Variants in CASP10 observed in about 807,000 individuals in gnomAD.
CASP10 encodes caspase-10.
A neutral mutation model predicts 48.5 loss-of-function variants in CASP10; 41 were observed. The ratio of observed to expected loss-of-function variants is 0.85; its 90% CI spans 0.66 to 1.10. The LOEUF (loss-of-function observed/expected upper bound fraction) is 1.10, where lower values mean the gene tolerates loss of function less well. Ranked by LOEUF, CASP10 falls within the 50% of genes least tolerant of loss-of-function variation. The probability of loss-of-function intolerance (pLI) is 0.00; values close to 1 mark genes in which losing one functional copy is unlikely to be tolerated. For synonymous variants in CASP10, 232 were observed against 238.4 expected (o/e 0.97, Z 0.25); for missense variants, 614 against 614.5 (o/e 1.00, Z 0.01).
rs151162733 is a variant in CASP10, at chr2:201,220,572, C to T, written c.*2831C>T. The T allele has an allele frequency of 4.6e-3, 806 of 176,362 alleles. 6 individuals are homozygous for T. Among genetic ancestry groups the T allele is most frequent in the African/African-American group, 0.018 (739 of 41,994 alleles). 10.9% of individuals were successfully genotyped at this position (176,362 alleles called of 1,614,324 possible). ...AGAGACATAGAAGCAATCCAAGCCT[C>T]TGATAAACTCTCCCACCCTAAATCC... On this transcript the variant is annotated 3_prime_UTR_variant, in exon 10 of 10. Coordinates refer to ENST00000286186, the MANE Select transcript of CASP10 (RefSeq NM_032977.4).
Position 201,186,134 on chromosome 2 carries a change from G to A in CASP10, c.347+10G>A. 1 of 1,596,478 alleles carries A rather than the reference G, an allele frequency of 6.3e-7. No homozygotes were observed. The highest frequency in any genetic ancestry group is 1.7e-5 in the Admixed American group (1 of 59,954). ...GGGTTTCTCTGTTTAGGTGAGGACG[G>A]GTCTGTGGTGGAGATGGGAGGATCT... On this transcript the variant is annotated intron_variant, in intron 2 of 9. Transcript: ENST00000286186.
intron 5 of CASP10, among the ~76,000 whole-genome samples, chr2:201,198,312 C>T (rs1944877669): frequency 6.7e-6 from 1 of 150,172 alleles, no homozygotes; most frequent in South Asian, 2.1e-4. Context: ...CAACCTCTAA[C>T]TCCCAGGTTC....
chr2:201,205,176 G>A (rs1341984326), intron 6 of CASP10, among the ~76,000 whole-genome samples: 1 of 151,856 alleles, frequency 6.6e-6, no homozygotes, highest in Non-Finnish European at 1.5e-5. Flanking sequence ...ATCCTCAGTC[G>A]ATGCCCAACT....
intron 5 of CASP10, among the ~76,000 whole-genome samples, chr2:201,196,457 G>T (rs928215931): frequency 6.6e-6 from 1 of 152,164 alleles, no homozygotes; most frequent in African/African-American, 2.4e-5. Flanking sequence ...TTTCTGTGGT[G>T]CTCAGCTCTG....
rs942831877 is a variant in CASP10, at chr2:201,192,856, T to C, written c.442-128T>C. On this transcript the variant is annotated intron_variant, in intron 3 of 9. Transcript: ENST00000286186. Reference sequence around the variant, plus strand: ...CTCTTCCCCTACATTCCTGAGCAACTTGAGGGCAGATGCTGTTATATCTTA... The same window carrying C: ...CTCTTCCCCTACATTCCTGAGCAACCTGAGGGCAGATGCTGTTATATCTTA... 3 of 923,890 alleles carry C rather than the reference T, an allele frequency of 3.2e-6. No individual in the cohort carries two copies. In the South Asian group the frequency reaches 4.1e-5, roughly 13 times the overall value. The allele number at this position is 923,890 out of a possible 1,614,324, so 57.2% of individuals were successfully genotyped here.
At chr2:201,229,286 A>G (rs1422705690) in exon 10 of CASP10, 6 of 612,936 alleles carry the variant, frequency 9.8e-6, no homozygotes, top group Non-Finnish European at 1.7e-5. Context: ...CATCGTAAAC[A>G]TACTTCTAAA....
Position 201,208,061 on chromosome 2 carries a change from A to G in CASP10, c.814-14A>G. ...ATAAGGATTCCTACTAAGTGGCTCT[A>G]TCTATTCTTCAAGAGGGCAGCTGTG... On this transcript the variant is annotated splice_polypyrimidine_tract_variant and intron_variant, in intron 7 of 9. Transcript: ENST00000286186. The G allele has an allele frequency of 2.5e-6, 4 of 1,593,510 alleles. No homozygotes were observed. The highest frequency in any genetic ancestry group is 2.6e-6 in the Non-Finnish European group (3 of 1,161,344).
intron 6 of CASP10, among the ~76,000 whole-genome samples, chr2:201,205,344 C>T (rs896300208): frequency 1.3e-4 from 19 of 151,778 alleles, no homozygotes; most frequent in African/African-American, 2.7e-4. Context: ...CCCACCTCAA[C>T]GTCCCAGGAA....
In CASP10 at chr2:201,187,781, G is replaced by A. The variant is rs768931544; in HGVS notation, c.423G>A (p.Ser141=). Residue 141 remains serine (S), a synonymous_variant, in exon 3 of 10, where the codon TCG becomes TCA. Transcript: ENST00000286186. ...LKDMIFLLKD[S]LPKTEMTSLS... is the part of the protein sequence containing the mutation. ...ACATGATCTTCCTTCTGAAAGACTC[G>A]CTTCCCAAAACTGAAATGGTGAGTG... 1.8e-5 allele frequency: 29 copies of A among 1,613,636 alleles called. No individual in the cohort carries two copies. In the East Asian group the frequency reaches 3.1e-4, roughly 17 times the overall value.
At chr2:201,195,278 G>C (rs1258147864) in intron 4 of CASP10, among the ~76,000 whole-genome samples, 1 of 151,874 alleles carries the variant, frequency 6.6e-6, no homozygotes, top group East Asian at 1.9e-4. Context: ...TTTTAGTAGA[G>C]ATGGGGTTTC....
At chr2:201,188,907 G>A (rs1443117548) in intron 3 of CASP10, among the ~76,000 whole-genome samples, 1 of 146,220 alleles carries the variant, frequency 6.8e-6, no homozygotes, top group Non-Finnish European at 1.5e-5. Flanking sequence ...TCTCACTCTT[G>A]TCACCCAGGC....
intron 9 of CASP10, chr2:201,214,236 C>T (rs1192331660): frequency 6.6e-6 from 1 of 152,038 alleles, no homozygotes; most frequent in African/African-American, 2.4e-5. Flanking sequence ...TGCATTGAGG[C>T]GTTCTGGTTG....
chr2:201,195,900 A>G lies in CASP10; in HGVS notation c.636A>G (p.Glu212=). ...DKEAESYQGE[E]ELVSQTDVKT... ...AAGCCGAGTCGTATCAAGGAGAGGA[A>G]GAACTAGTTTCCCAAACAGATGTTA... Residue 212 remains glutamate, a synonymous_variant, in exon 5 of 10, where the codon GAA becomes GAG. Coordinates refer to ENST00000286186, the MANE Select transcript of CASP10 (RefSeq NM_032977.4). 6.2e-7 allele frequency: 1 copy of G among 1,614,074 alleles called. No homozygotes were observed. The highest frequency in any genetic ancestry group is 8.5e-7 in the Non-Finnish European group (1 of 1,179,958).
intron 5 of CASP10, among the ~76,000 whole-genome samples, chr2:201,202,263 A>G (rs1945046459): frequency 5.3e-5 from 8 of 152,108 alleles, no homozygotes; most frequent in Admixed American, 4.6e-4. Flanking sequence ...CCTCTTGAAA[A>G]CTATCAAAAG....
At chr2:201,229,090 C>A in exon 10 of CASP10, 3 of 1,614,004 alleles carry the variant, frequency 1.9e-6, no homozygotes, top group Admixed American at 1.7e-5. Flanking sequence ...CTAGTTCTTT[C>A]CAGAGGCTTC....
At chr2:201,195,041 T>C (rs1944742088) in intron 4 of CASP10, among the ~76,000 whole-genome samples, 1 of 152,082 alleles carries the variant, frequency 6.6e-6, no homozygotes, top group Non-Finnish European at 1.5e-5. Context: ...CCTCCCAAAG[T>C]GCTGGGATTA....
At chr2:201,229,058 T>C (rs1254403608) in exon 10 of CASP10, 51 of 1,614,052 alleles carry the variant, frequency 3.2e-5, no homozygotes, top group Non-Finnish European at 4.2e-5. Flanking sequence ...CGACCCCCCA[T>C]GCGCAGGTGG....
chr2:201,203,709 CCCT>C lies in CASP10; in HGVS notation c.685-17_685-15del. 1 of 1,609,680 alleles carries C rather than the reference CCCT, an allele frequency of 6.2e-7. No homozygotes were observed. The highest frequency in any genetic ancestry group is 2.2e-5 in the East Asian group (1 of 44,830). ...CTGTGTGAAATTCCTATGTTTCATG[CCCT>C]CCTTTCTTTTTTCTCAGCAGGAGTC... is the stretch of plus-strand genomic sequence containing the variant. On this transcript the variant is annotated intron_variant, in intron 5 of 9. Transcript: ENST00000286186.
At chr2:201,228,233 G>A (rs538949229) in intron 9 of CASP10, among the ~76,000 whole-genome samples, 1 of 152,282 alleles carries the variant, frequency 6.6e-6, no homozygotes, top group South Asian at 2.1e-4. Context: ...CTACTCAGTG[G>A]CCGAGGCACA....
Sources: gnomAD v4.1 joint callset for allele counts (sites outside exome capture counted in the v4.1 genomes callset) on GRCh38, gnomAD v4.1.1 for gene constraint, MANE v1.5 for transcripts, NCBI Gene and HGNC (gene_info 2026-07-23, HGNC 2026-07-21) for gene names.